RGS6: variants seen among roughly 807,000 people sequenced by gnomAD.
The protein encoded by RGS6 is regulator of G protein signaling 6.
In RGS6, 30 loss-of-function variants were observed where a neutral mutation model predicts 78.5. The ratio of observed to expected loss-of-function variants is 0.38; its 90% confidence interval spans 0.29 to 0.52. RGS6 has a LOEUF of 0.52. Ranked by LOEUF, RGS6 falls within the 20% of genes least tolerant of loss-of-function variation. The probability of loss-of-function intolerance (pLI) is 0.85; values close to 1 mark genes in which losing one functional copy is unlikely to be tolerated. For synonymous variants in RGS6, 206 were observed against 206.0 expected, an observed-to-expected ratio of 1.00 and a Z score of 0.00; for missense variants, 495 against 609.7, an observed-to-expected ratio of 0.81 and a Z score of 1.98.
chr14:72,489,782 C>G (rs543261080), intron 12 of RGS6, among the ~76,000 whole-genome samples: 1 of 152,124 alleles, frequency 6.6e-6, no homozygotes, highest in African/African-American at 2.4e-5. Flanking sequence ...CTAGAGCCTT[C>G]GGAGGGAGGA....
At chr14:72,141,830 C>T (rs2096543377) in intron 2 of RGS6, among the ~76,000 whole-genome samples, 1 of 151,910 alleles carries the variant, frequency 6.6e-6, no homozygotes, top group South Asian at 2.1e-4. Context: ...CCAGAAATAA[C>T]CTTGGGTAGC....
intron 2 of RGS6, among the ~76,000 whole-genome samples, chr14:72,322,324 G>T (rs1250837988): frequency 6.6e-6 from 1 of 151,782 alleles, no homozygotes; most frequent in Non-Finnish European, 1.5e-5. Context: ...TTATTTTCTA[G>T]GAAAATATAA....
chr14:71,917,054 C>T, the RGS6 span, among the ~76,000 whole-genome samples: 1 of 152,150 alleles, frequency 6.6e-6, no homozygotes, highest in Admixed American at 6.5e-5. Flanking sequence ...AACAGGATGC[C>T]ACAGGTCATC....
At chr14:72,354,509 G>A (rs1026189450) in intron 3 of RGS6, among the ~76,000 whole-genome samples, 25 of 151,614 alleles carry the variant, frequency 1.6e-4, no homozygotes, top group African/African-American at 5.8e-4. Flanking sequence ...GGTGGCACGT[G>A]CTTGTAGTCC....
chr14:72,618,319 G>A, the RGS6 span, among the ~76,000 whole-genome samples: 1 of 152,200 alleles, frequency 6.6e-6, no homozygotes, highest in Non-Finnish European at 1.5e-5. Flanking sequence ...AATACTGAAG[G>A]TTTCTCAAAG....
intron 2 of RGS6, among the ~76,000 whole-genome samples, chr14:72,274,214 C>T (rs1411851998): frequency 6.6e-6 from 1 of 152,214 alleles, no homozygotes; most frequent in African/African-American, 2.4e-5. Flanking sequence ...GGTTCTGGCA[C>T]TATTCATCAT....
chr14:72,477,817 GAA>G (rs11290622), intron 11 of RGS6, among the ~76,000 whole-genome samples: 1 of 148,292 alleles, frequency 6.7e-6, no homozygotes, highest in African/African-American at 2.5e-5. Flanking sequence ...AAGAAAAAAA[GAA>G]AAAAAAACCA....
chr14:72,434,193 C>T (rs1938421978), intron 3 of RGS6, among the ~76,000 whole-genome samples: 1 of 151,946 alleles, frequency 6.6e-6, no homozygotes, highest in Non-Finnish European at 1.5e-5. Context: ...AAAAATTATC[C>T]AGAGGTGGTG....
At chr14:72,547,422 A>C in intron 17 of RGS6, 4 of 1,033,716 alleles carry the variant, frequency 3.9e-6, no homozygotes, top group Non-Finnish European at 5.6e-6. Flanking sequence ...CCTGGTGGAA[A>C]CAACAGGGGA....
chr14:72,011,864 G>A (rs1370284502), intron 2 of RGS6, among the ~76,000 whole-genome samples: 1 of 152,092 alleles, frequency 6.6e-6, no homozygotes, highest in Non-Finnish European at 1.5e-5. Context: ...GTATTTAACG[G>A]TCTATTGTTT....
chr14:72,220,324 C>T (rs921465317), intron 2 of RGS6, among the ~76,000 whole-genome samples: 16 of 152,012 alleles, frequency 1.1e-4, no homozygotes, highest in African/African-American at 3.9e-4. Flanking sequence ...GTTTCCAGGC[C>T]CTCTCAGAGA....
intron 3 of RGS6, among the ~76,000 whole-genome samples, chr14:72,426,312 A>G (rs924665766): frequency 2.0e-5 from 3 of 152,212 alleles, no homozygotes; most frequent in Non-Finnish European, 4.4e-5. Flanking sequence ...TAATTAATAA[A>G]GAGTAAGACT....
At chr14:72,151,536 A>G (rs771985575) in intron 2 of RGS6, among the ~76,000 whole-genome samples, 7 of 152,298 alleles carry the variant, frequency 4.6e-5, no homozygotes, top group Admixed American at 1.3e-4. Flanking sequence ...GGGGGAAAAA[A>G]GCTAGAGGCA....
the RGS6 span, among the ~76,000 whole-genome samples, chr14:71,894,354 A>T: frequency 2.6e-5 from 4 of 152,218 alleles, no homozygotes; most frequent in African/African-American, 7.2e-5. Flanking sequence ...TGCTTTAAAG[A>T]TAGTAATATC....
intron 2 of RGS6, among the ~76,000 whole-genome samples, chr14:72,128,277 T>C (rs954228700): frequency 2.6e-5 from 4 of 152,318 alleles, no homozygotes; most frequent in African/African-American, 7.2e-5. Context: ...ATATATTCTC[T>C]TTATGGTATT....
At chr14:72,383,220 A>ACG (rs2086794613) in intron 3 of RGS6, among the ~76,000 whole-genome samples, 1 of 144,398 alleles carries the variant, frequency 6.9e-6, no homozygotes, top group African/African-American at 2.5e-5. Flanking sequence ...ATATACACAC[A>ACG]AACACACTAG....
chr14:72,048,053 C>T (rs940145292), intron 2 of RGS6, among the ~76,000 whole-genome samples: 1 of 151,988 alleles, frequency 6.6e-6, no homozygotes, highest in Non-Finnish European at 1.5e-5. Flanking sequence ...GGATGAGCAT[C>T]TTATGTTTCA....
At chr14:71,879,314 A>G in the RGS6 span, among the ~76,000 whole-genome samples, 2 of 152,234 alleles carry the variant, frequency 1.3e-5, no homozygotes, top group African/African-American at 4.8e-5. Context: ...CAATATAGAG[A>G]AATGGTTAAG....
intron 2 of RGS6, among the ~76,000 whole-genome samples, chr14:72,292,950 A>G (rs1159723135): frequency 6.6e-6 from 1 of 152,164 alleles, no homozygotes; most frequent in Non-Finnish European, 1.5e-5. Context: ...TCTTGATCTC[A>G]CATGTGAGGC....
Sources: gnomAD v4.1 joint callset for allele counts (sites outside exome capture counted in the v4.1 genomes callset) on GRCh38, gnomAD v4.1.1 for gene constraint, MANE v1.5 for transcripts, NCBI Gene and HGNC (gene_info 2026-07-23, HGNC 2026-07-21) for gene names.